The following HIVEP3 variants were observed in gnomAD, a reference collection of about 807,000 sequenced individuals.
HIVEP3 encodes transcription factor HIVEP3.
HIVEP3 carries 49 observed loss-of-function variants against 152.8 expected under a neutral mutation model. That is an observed-to-expected ratio of 0.32 (90% CI 0.26 to 0.41). The LOEUF (loss-of-function observed/expected upper bound fraction) is 0.41, where lower values mean the gene tolerates loss of function less well. HIVEP3 is among the 10% of genes least tolerant of loss of function. HIVEP3 has a pLI of 1.00. For synonymous variants in HIVEP3, 1,269 were observed against 1,289.0 expected, an observed-to-expected ratio of 0.98 and a Z score of 0.33; for missense variants, 2,790 against 3,103.3, an observed-to-expected ratio of 0.90 and a Z score of 2.40.
intron 1 of HIVEP3, among the ~76,000 whole-genome samples, chr1:41,761,759 T>A (rs1647698533): frequency 6.6e-6 from 1 of 152,236 alleles, no homozygotes; most frequent in Admixed American, 6.5e-5. Context: ...CATGGGTGTA[T>A]ATGTGTAGGC....
chr1:41,760,770 T>C (rs1046626355), intron 1 of HIVEP3, among the ~76,000 whole-genome samples: 1 of 152,056 alleles, frequency 6.6e-6, no homozygotes, highest in African/African-American at 2.4e-5. Flanking sequence ...AACAGCACAG[T>C]GAGAGGTCAC....
chr1:41,636,331 TA>T (rs1385464659), intron 2 of HIVEP3, among the ~76,000 whole-genome samples: 1 of 152,228 alleles, frequency 6.6e-6, no homozygotes, highest in Non-Finnish European at 1.5e-5. Flanking sequence ...ATTAGAGATA[TA>T]AACATCCTAT....
intron 1 of HIVEP3, among the ~76,000 whole-genome samples, chr1:41,868,436 C>T (rs958685560): frequency 2.0e-5 from 3 of 152,110 alleles, no homozygotes; most frequent in African/African-American, 7.2e-5. Context: ...AAGTCTCTTG[C>T]TCTTAAGTCC....
intron 1 of HIVEP3, among the ~76,000 whole-genome samples, chr1:41,955,424 T>G (rs1038556137): frequency 6.6e-6 from 1 of 152,194 alleles, no homozygotes; most frequent in African/African-American, 2.4e-5. Flanking sequence ...ACCACCTAAG[T>G]TTAGAGGGCA....
At chr1:41,623,740 G>T (rs755848388) in intron 3 of HIVEP3, among the ~76,000 whole-genome samples, 4 of 152,118 alleles carry the variant, frequency 2.6e-5, no homozygotes, top group Non-Finnish European at 5.9e-5. Flanking sequence ...CCAACCCCAC[G>T]CCGGTCTCTC....
At chr1:41,563,823 T>TTAATA (rs1241496677) in intron 5 of HIVEP3, among the ~76,000 whole-genome samples, 2 of 151,898 alleles carry the variant, frequency 1.3e-5, no homozygotes, top group Non-Finnish European at 2.9e-5. Flanking sequence ...ACAACTAACG[T>TTAATA]TAATAGCCTT....
In HIVEP3 at chr1:41,655,409, C is replaced by T. The variant is rs368200044; in HGVS notation, c.-720-26462G>A. Among the ~76,000 whole-genome samples the T allele has an allele frequency of 3.8e-3, 577 of 151,938 alleles. 1 individual carries two copies. Among genetic ancestry groups the T allele is most frequent in the Non-Finnish European group, 7.0e-3 (475 of 67,950 alleles). On this transcript the variant is annotated intron_variant, in intron 2 of 8. Transcript: ENST00000372583. ...ACCAGCCTGGCCAACATGGGGAAAC[C>T]CTGTCTCTACTAAACGTACAAAAAT...
intron 5 of HIVEP3, among the ~76,000 whole-genome samples, chr1:41,545,594 C>T (rs1192630090): frequency 1.4e-5 from 2 of 141,148 alleles, no homozygotes; most frequent in South Asian, 2.4e-4. Flanking sequence ...TCACCATCAC[C>T]ACCACCACCA....
intron 1 of HIVEP3, among the ~76,000 whole-genome samples, chr1:41,929,728 A>T (rs1478266716): frequency 3.4e-5 from 4 of 117,270 alleles, no homozygotes; most frequent in Middle Eastern, 3.9e-3. Context: ...ATGTGTTTTT[A>T]TATATATATA....
At chr1:41,916,267 C>A (rs565303373) in intron 1 of HIVEP3, among the ~76,000 whole-genome samples, 1 of 152,298 alleles carries the variant, frequency 6.6e-6, no homozygotes, top group South Asian at 2.1e-4. Context: ...AACAATAGTG[C>A]CAGTTGAGCA....
At chr1:41,558,507 T>C (rs1035239067) in intron 5 of HIVEP3, among the ~76,000 whole-genome samples, 3 of 152,224 alleles carry the variant, frequency 2.0e-5, no homozygotes, top group Admixed American at 6.5e-5. Flanking sequence ...TCTGAAAGTT[T>C]GTAGGAGCTT....
intron 1 of HIVEP3, among the ~76,000 whole-genome samples, chr1:41,910,297 A>C (rs995120902): frequency 6.6e-6 from 1 of 151,972 alleles, no homozygotes; most frequent in African/African-American, 2.4e-5. Flanking sequence ...CAAGGTAAAA[A>C]TTTTGAAAAC....
chr1:41,715,797 G>C (rs191110082), intron 1 of HIVEP3, among the ~76,000 whole-genome samples: 48 of 152,294 alleles, frequency 3.2e-4, no homozygotes, highest in African/African-American at 9.6e-4. Context: ...CAAACACCAG[G>C]CTTCATGCCT....
intron 1 of HIVEP3, among the ~76,000 whole-genome samples, chr1:41,740,371 C>T (rs1157174135): frequency 1.3e-5 from 2 of 152,238 alleles, no homozygotes; most frequent in African/African-American, 4.8e-5. Context: ...GGCTTCTCTG[C>T]CGCTCTTCTA....
At chr1:41,756,956 G>T (rs1407906454) in intron 1 of HIVEP3, among the ~76,000 whole-genome samples, 4 of 151,976 alleles carry the variant, frequency 2.6e-5, no homozygotes, top group Non-Finnish European at 5.9e-5. Context: ...TATTAGCAAT[G>T]GTTGGCTGGG....
intron 1 of HIVEP3, among the ~76,000 whole-genome samples, chr1:41,726,449 A>G (rs1351414716): frequency 2.0e-5 from 3 of 152,238 alleles, no homozygotes; most frequent in Non-Finnish European, 4.4e-5. Context: ...GATCATAAAC[A>G]GCCATGGCAG....
At chr1:41,950,546 C>T (rs1201268774) in intron 1 of HIVEP3, among the ~76,000 whole-genome samples, 1 of 152,184 alleles carries the variant, frequency 6.6e-6, no homozygotes, top group Non-Finnish European at 1.5e-5. Context: ...TGCATTTGTG[C>T]TTCTGAGTAG....
chr1:41,719,086 G>T (rs1016254723), intron 1 of HIVEP3, among the ~76,000 whole-genome samples: 1 of 152,228 alleles, frequency 6.6e-6, no homozygotes, highest in African/African-American at 2.4e-5. Context: ...AAAATTGAGG[G>T]CTCAGAGTGT....
chr1:41,763,049 G>A (rs1274910672), intron 1 of HIVEP3, among the ~76,000 whole-genome samples: 1 of 152,218 alleles, frequency 6.6e-6, no homozygotes, highest in Non-Finnish European at 1.5e-5. Context: ...AAAGCCAGAT[G>A]CCAAGTGAGA....
Sources: gnomAD v4.1 joint callset for allele counts (sites outside exome capture counted in the v4.1 genomes callset) on GRCh38, gnomAD v4.1.1 for gene constraint, MANE v1.5 for transcripts, NCBI Gene and HGNC (gene_info 2026-07-23, HGNC 2026-07-21) for gene names.